The following GRXCR1 variants were observed in gnomAD, a reference collection of about 807,000 sequenced individuals.
The protein encoded by GRXCR1 is glutaredoxin domain-containing cysteine-rich protein 1.
In GRXCR1, 27 loss-of-function variants were observed where a neutral mutation model predicts 27.3. The observed-to-expected ratio is 0.99, with a 90% CI of 0.73 to 1.37. The LOEUF (loss-of-function observed/expected upper bound fraction) is 1.37. Ranked by LOEUF, GRXCR1 falls within the 40% of genes most tolerant of loss-of-function variation. The probability of loss-of-function intolerance (pLI) is 0.00; values close to 1 mark genes in which losing one functional copy is unlikely to be tolerated. For missense variants in GRXCR1, 379 were observed against 354.4 expected, an observed-to-expected ratio of 1.07 and a Z score of -0.56; for synonymous variants, 122 against 131.1, an observed-to-expected ratio of 0.93 and a Z score of 0.47.
intron 2 of GRXCR1, among the ~76,000 whole-genome samples, chr4:43,002,906 G>A (rs1013436713): frequency 7.2e-5 from 11 of 152,200 alleles, no homozygotes; most frequent in African/African-American, 2.4e-4. Context: ...TAATCCCCAT[G>A]TGTCAAGGAA....
At chr4:42,985,278 T>C (rs1048502089) in intron 2 of GRXCR1, among the ~76,000 whole-genome samples, 7 of 152,216 alleles carry the variant, frequency 4.6e-5, no homozygotes, top group African/African-American at 1.7e-4. Flanking sequence ...CACTAACCAT[T>C]CTTAATTTGA....
At chr4:42,905,089 C>A (rs192951606) in intron 1 of GRXCR1, among the ~76,000 whole-genome samples, 1 of 152,332 alleles carries the variant, frequency 6.6e-6, no homozygotes, top group East Asian at 1.9e-4. Context: ...TCCGACCCTG[C>A]CACACAAACC....
At chr4:42,987,256 TATATAATATATATATATATATAGAGAG>T (rs1711792878) in intron 2 of GRXCR1, among the ~76,000 whole-genome samples, 6 of 79,742 alleles carry the variant, frequency 7.5e-5, no homozygotes, top group African/African-American at 1.8e-4. Context: ...ATAATATATA[TATATAATATATATATATATATAGAGAG>T]AGAGAGAGAG....
chr4:42,925,480 G>A (rs373769988), intron 1 of GRXCR1, among the ~76,000 whole-genome samples: 11 of 152,148 alleles, frequency 7.2e-5, no homozygotes, highest in Admixed American at 5.9e-4. Context: ...CAGCAGCCCA[G>A]TTAACCAAAT....
At position 43,020,419 on chromosome 4, in the gene GRXCR1, G is replaced by A. The variant is rs1713057469; in HGVS notation, c.693G>A (p.Glu231=). Residue 231 remains glutamate (E), a splice_region_variant and synonymous_variant, in exon 3 of 4, where the codon GAG becomes GAA. Coordinates refer to ENST00000399770, the MANE Select transcript of GRXCR1 (RefSeq NM_001080476.3). ...TGCAAGACATCCTAACCAAAATTGA[G>A]GTAAATGTGCTTTCAGCAACTTAGT... is the stretch of plus-strand genomic sequence containing the variant. The part of the protein sequence containing the change: ...GELQDILTKI[E]RVQHPHECPS... The A allele has an allele frequency of 1.3e-6, 2 of 1,598,818 alleles. No individual in the cohort carries two copies. Among genetic ancestry groups the A allele is most frequent in the East Asian group, 4.5e-5 (2 of 44,758 alleles).
chr4:42,919,494 C>T (rs1011564673), intron 1 of GRXCR1, among the ~76,000 whole-genome samples: 1 of 152,114 alleles, frequency 6.6e-6, no homozygotes, highest in African/African-American at 2.4e-5. Flanking sequence ...CGCTACAAAA[C>T]TTTATTCCTT....
In GRXCR1 at chr4:42,938,868, GT is replaced by G. The variant is rs543683761; in HGVS notation, c.385-24013del. ...TTCTGTTCCATTGGTCTACGTGTCT[GT>G]TTTTTTTTTTGCCAGTACCATGCTG... On this transcript the variant is annotated intron_variant, in intron 1 of 3. Transcript: ENST00000399770. 2.2e-3 allele frequency among the ~76,000 whole-genome samples: 317 copies of G among 145,266 alleles called. 1 individual carries two copies. The highest frequency in any genetic ancestry group is 6.8e-3 in the African/African-American group (271 of 39,906).
chr4:43,014,894 C>T (rs559142821), intron 2 of GRXCR1, among the ~76,000 whole-genome samples: 3 of 152,266 alleles, frequency 2.0e-5, no homozygotes, highest in Admixed American at 6.5e-5. Context: ...GAAGTCATAG[C>T]CCCTGAAATC....
At chr4:42,966,441 T>C (rs1000944542) in intron 2 of GRXCR1, among the ~76,000 whole-genome samples, 1 of 152,112 alleles carries the variant, frequency 6.6e-6, no homozygotes, top group African/African-American at 2.4e-5. Context: ...TTGATAATTC[T>C]ATATATGTTT....
chr4:42,984,268 TTTC>T (rs1375364982), intron 2 of GRXCR1, among the ~76,000 whole-genome samples: 2 of 152,262 alleles, frequency 1.3e-5, no homozygotes, highest in Non-Finnish European at 2.9e-5. Flanking sequence ...TTTAAATTTC[TTTC>T]TTGTCACTTT....
chr4:43,025,769 G>A (rs879435370), intron 3 of GRXCR1, among the ~76,000 whole-genome samples: 13 of 152,224 alleles, frequency 8.5e-5, no homozygotes, highest in Non-Finnish European at 1.6e-4. Context: ...CAGGGCAAGA[G>A]ATCGAGACCA....
intron 2 of GRXCR1, among the ~76,000 whole-genome samples, chr4:43,011,878 G>A (rs1160988863): frequency 2.6e-5 from 4 of 152,018 alleles, no homozygotes; most frequent in Admixed American, 2.6e-4. Context: ...AATAATAAAG[G>A]AATTTCTACT....
At chr4:42,919,933 A>T (rs909723376) in intron 1 of GRXCR1, among the ~76,000 whole-genome samples, 1 of 152,106 alleles carries the variant, frequency 6.6e-6, no homozygotes, top group African/African-American at 2.4e-5. Flanking sequence ...GAGAAATGGA[A>T]TATAGAGTTA....
intron 1 of GRXCR1, among the ~76,000 whole-genome samples, chr4:42,939,847 T>A (rs888904335): frequency 6.6e-6 from 1 of 151,996 alleles, no homozygotes; most frequent in Non-Finnish European, 1.5e-5. Context: ...CAGGGGTATA[T>A]CCTCCTCCAC....
At chr4:42,944,099 A>G (rs1560659115) in intron 1 of GRXCR1, among the ~76,000 whole-genome samples, 1 of 152,118 alleles carries the variant, frequency 6.6e-6, no homozygotes, top group Non-Finnish European at 1.5e-5. Flanking sequence ...TACAGATAAG[A>G]GAGAACATTT....
intron 2 of GRXCR1, among the ~76,000 whole-genome samples, chr4:43,011,734 A>G (rs1332474687): frequency 6.6e-6 from 1 of 152,204 alleles, no homozygotes; most frequent in East Asian, 1.9e-4. Context: ...TTAGTGCTGT[A>G]GTGCCTTATA....
chr4:43,025,223 C>A (rs912317628), intron 3 of GRXCR1, among the ~76,000 whole-genome samples: 1 of 152,126 alleles, frequency 6.6e-6, no homozygotes, highest in African/African-American at 2.4e-5. Flanking sequence ...TTGTTAGAGA[C>A]ACAATACATT....
At chr4:42,932,952 G>A (rs573343933) in intron 1 of GRXCR1, among the ~76,000 whole-genome samples, 2 of 151,800 alleles carry the variant, frequency 1.3e-5, no homozygotes, top group South Asian at 4.2e-4. Context: ...AGGAAAGGAG[G>A]TCAGTGCAGG....
intron 1 of GRXCR1, among the ~76,000 whole-genome samples, chr4:42,929,994 C>T (rs1227989663): frequency 2.6e-5 from 4 of 151,942 alleles, no homozygotes; most frequent in Non-Finnish European, 4.4e-5. Context: ...ATGGCAGGAC[C>T]GAGAGCTGAA....
Sources: gnomAD v4.1 joint callset for allele counts (sites outside exome capture counted in the v4.1 genomes callset) on GRCh38, gnomAD v4.1.1 for gene constraint, MANE v1.5 for transcripts, NCBI Gene and HGNC (gene_info 2026-07-23, HGNC 2026-07-21) for gene names.